Variants in PDE1A observed in about 807,000 individuals in gnomAD.
The protein encoded by PDE1A is phosphodiesterase 1A, also known as dual specificity calcium/calmodulin-dependent 3',5'-cyclic nucleotide phosphodiesterase 1A.
Under a neutral mutation model 61.7 loss-of-function variants are expected in PDE1A, and 35 were observed. The observed-to-expected ratio is 0.57, with a 90% CI of 0.43 to 0.75. PDE1A has a LOEUF of 0.75. Ranked by LOEUF, PDE1A falls within the 30% of genes least tolerant of loss-of-function variation. The pLI is 0.00. For synonymous variants in PDE1A, 232 were observed against 213.2 expected (o/e 1.09, Z -0.77); for missense variants, 597 against 630.6 (o/e 0.95, Z 0.57).
chr2:182,176,408 G>C (rs1184319285), intron 13 of PDE1A, among the ~76,000 whole-genome samples: 1 of 148,082 alleles, frequency 6.8e-6, no homozygotes, highest in East Asian at 1.9e-4. Context: ...CACATCCCTT[G>C]TAAGTTGGAT....
At chr2:182,423,757 T>C (rs906919188) in intron 1 of PDE1A, among the ~76,000 whole-genome samples, 6 of 152,026 alleles carry the variant, frequency 3.9e-5, no homozygotes, top group Admixed American at 2.0e-4. Flanking sequence ...GGCACATAAG[T>C]ATTTTTCTCC....
the PDE1A span, among the ~76,000 whole-genome samples, chr2:182,641,045 T>C: frequency 1.1e-5 from 1 of 93,804 alleles, no homozygotes; most frequent in Admixed American, 1.1e-4. Context: ...AAGAAGAAGA[T>C]ATACAAGGAA....
chr2:182,249,476 AG>A (rs1691233705), intron 2 of PDE1A, among the ~76,000 whole-genome samples: 1 of 152,114 alleles, frequency 6.6e-6, no homozygotes, highest in Admixed American at 6.5e-5. Flanking sequence ...AGCCCTTGTC[AG>A]GCCCCCTGAA....
At chr2:182,204,531 AG>A (rs150827147) in intron 8 of PDE1A, among the ~76,000 whole-genome samples, 2,794 of 152,266 alleles carry the variant, frequency 0.018, 106 homozygotes, top group East Asian at 0.11. Context: ...CAGAGGATGA[AG>A]GCCTTTTTGA....
At chr2:182,267,429 GCACACACACACA>G (rs67567300) in intron 1 of PDE1A, among the ~76,000 whole-genome samples, 18 of 146,958 alleles carry the variant, frequency 1.2e-4, no homozygotes, top group African/African-American at 4.5e-4. Flanking sequence ...ATGCACACAT[GCACACACACACA>G]CACACACACA....
chr2:182,693,902 C>T, the PDE1A span, among the ~76,000 whole-genome samples: 4 of 152,298 alleles, frequency 2.6e-5, no homozygotes, highest in South Asian at 6.2e-4. Flanking sequence ...CCGCCTTAGG[C>T]TCCCAAAGTT....
At chr2:182,693,536 G>T in the PDE1A span, among the ~76,000 whole-genome samples, 15 of 151,254 alleles carry the variant, frequency 9.9e-5, no homozygotes, top group East Asian at 2.5e-3. Context: ...AATTATAAGG[G>T]TTTTTAAATA....
chr2:182,442,611 T>C (rs1684866250), intron 2 of PDE1A, among the ~76,000 whole-genome samples: 1 of 152,208 alleles, frequency 6.6e-6, no homozygotes, highest in Middle Eastern at 3.4e-3. Context: ...TATATGCATG[T>C]TTAATTATAC....
chr2:182,324,639 A>G (rs1696927137), intron 1 of PDE1A, among the ~76,000 whole-genome samples: 2 of 152,326 alleles, frequency 1.3e-5, no homozygotes, highest in South Asian at 4.1e-4. Flanking sequence ...AACCTACAAG[A>G]AAATAAATCA....
chr2:182,571,538 T>A, the PDE1A span, among the ~76,000 whole-genome samples: 1 of 152,094 alleles, frequency 6.6e-6, no homozygotes, highest in Admixed American at 6.6e-5. Context: ...TACATCATTG[T>A]TAAAATTAAA....
intron 7 of PDE1A, among the ~76,000 whole-genome samples, chr2:182,218,876 GC>G (rs754292438): frequency 7.0e-4 from 106 of 151,950 alleles, no homozygotes; most frequent in Non-Finnish European, 1.3e-3. Flanking sequence ...TGTGTTTATG[GC>G]TTTTCCTTCT....
chr2:182,494,977 C>T (rs1324771446), intron 2 of PDE1A, among the ~76,000 whole-genome samples: 1 of 152,090 alleles, frequency 6.6e-6, no homozygotes, highest in East Asian at 1.9e-4. Flanking sequence ...TAAGGCTATC[C>T]TCTACCTGAC....
chr2:182,234,188 G>A (rs866687920), intron 4 of PDE1A, among the ~76,000 whole-genome samples: 6 of 152,048 alleles, frequency 3.9e-5, no homozygotes, highest in African/African-American at 9.7e-5. Context: ...AAAAACACAC[G>A]TGTGTGTGCA....
At chr2:182,690,394 T>C in the PDE1A span, among the ~76,000 whole-genome samples, 1 of 152,184 alleles carries the variant, frequency 6.6e-6, no homozygotes, top group Non-Finnish European at 1.5e-5. Context: ...TCAATAAACG[T>C]AATCCAGCAT....
chr2:182,182,349 C>G (rs1684834839), intron 13 of PDE1A, among the ~76,000 whole-genome samples: 1 of 152,138 alleles, frequency 6.6e-6, no homozygotes, highest in Non-Finnish European at 1.5e-5. Context: ...AGAATCCAAT[C>G]TCTTTTTGCT....
rs1248959075 is a variant in PDE1A, at chr2:182,231,025, T to C, written c.524A>G (p.Asn175Ser). The C allele has an allele frequency of 7.1e-6, 11 of 1,546,262 alleles. 1 individual carries two copies. The highest frequency in any genetic ancestry group is 1.2e-5 in the South Asian group (1 of 86,458). Reference sequence around the variant, plus strand: ...TTCCATGTTTCTGACCTTGAAACGGTTGATAAGATCATATCTGGTAAACAG... The same window carrying C: ...TTCCATGTTTCTGACCTTGAAACGGCTGATAAGATCATATCTGGTAAACAG... The change falls in exon 5 of 14, where the codon AAC becomes AGC. Residue 175 changes from asparagine to serine, a missense_variant. Physicochemically the swap from Asn to Ser is conservative, Grantham distance 46 (BLOSUM62 1). Coordinates refer to ENST00000351439, the Ensembl canonical transcript of PDE1A.
intron 13 of PDE1A, among the ~76,000 whole-genome samples, chr2:182,176,127 C>CA (rs1195525115): frequency 6.7e-6 from 1 of 148,494 alleles, no homozygotes; most frequent in Admixed American, 6.6e-5. Flanking sequence ...GTGATGCCTC[C>CA]AGCTTTGTTC....
At chr2:182,177,250 C>T (rs746988933) in intron 13 of PDE1A, among the ~76,000 whole-genome samples, 57 of 152,156 alleles carry the variant, frequency 3.7e-4, no homozygotes, top group Non-Finnish European at 7.4e-4. Context: ...GGAATAGTTT[C>T]GGAAGGAATG....
Position 182,211,714 on chromosome 2 carries a change from T to G in PDE1A, c.777-5649A>C, listed in dbSNP as rs370422388. ...CAGTTTTTCTTATAAAGGTCTTGTATATGTTTTGTTCCATTTATACCTAAA... is the reference window on the plus strand; with the variant it reads ...CAGTTTTTCTTATAAAGGTCTTGTAGATGTTTTGTTCCATTTATACCTAAA... On this transcript the variant is annotated intron_variant, in intron 7 of 13. Transcript: ENST00000351439. 4.3e-4 allele frequency among the ~76,000 whole-genome samples: 66 copies of G among 152,352 alleles called. 1 individual carries two copies. The South Asian group carries it at 0.013, about 31-fold the overall frequency.
Sources: allele counts gnomAD v4.1 joint callset (sites outside exome capture counted in the v4.1 genomes callset), GRCh38; gene constraint gnomAD v4.1.1; transcripts MANE v1.5; gene names NCBI Gene and HGNC (gene_info 2026-07-23, HGNC 2026-07-21).